Variants in ABHD4 observed in about 807,000 individuals in gnomAD.
ABHD4 encodes the protein (Lyso)-N-acylphosphatidylethanolamine lipase.
In ABHD4, 35 loss-of-function variants were observed where a neutral mutation model predicts 42.3. The observed-to-expected ratio is 0.83, with a 90% CI of 0.63 to 1.10. The LOEUF is 1.10. Among genes scored for constraint, ABHD4 ranks in the 50% least tolerant of loss-of-function variants. ABHD4 has a pLI of 0.00. For missense variants in ABHD4, 389 were observed against 454.8 expected, an observed-to-expected ratio of 0.86 and a Z score of 1.32; for synonymous variants, 169 against 170.6, an observed-to-expected ratio of 0.99 and a Z score of 0.07.
intron 6 of ABHD4, 70 bp from the exon 7 acceptor site, chr14:22,610,789 A>T: frequency 7.9e-7 from 1 of 1,270,506 alleles, no homozygotes; most frequent in Non-Finnish European, 1.1e-6. Context: ...AGGGGAAAAG[A>T]AATAGCGTGA....
At chr14:22,609,194 C>T (rs1234129837) in intron 5 of ABHD4, among the ~76,000 whole-genome samples, 2 of 152,000 alleles carry the variant, frequency 1.3e-5, no homozygotes, top group Non-Finnish European at 2.9e-5. Context: ...GACAGGGTCT[C>T]ACCATGTTGG....
At position 22,611,914 on chromosome 14, in the gene ABHD4, G is replaced by A. The variant is rs549109722; in HGVS notation, c.*966G>A. On this transcript the variant is annotated 3_prime_UTR_variant, in exon 7 of 7. Transcript: ENST00000428304. ...GCAAAGGTGGCTCCTGGTGAAGAGA[G>A]GGTGGAAAGGCCCTTCAGCCCCAGG... 1 of 152,762 alleles carries A rather than the reference G, an allele frequency of 6.5e-6. No individual in the cohort carries two copies. Among genetic ancestry groups the A allele is most frequent in the Non-Finnish European group, 1.5e-5 (1 of 68,206 alleles). 9.5% of individuals were successfully genotyped at this position (152,762 alleles called of 1,614,324 possible).
Position 22,603,992 on chromosome 14 carries a change from C to A in ABHD4, c.553C>A (p.Arg185Ser), listed in dbSNP as rs752463205. 3.8e-5 allele frequency: 62 copies of A among 1,614,070 alleles called. No homozygotes were observed. Among genetic ancestry groups the A allele is most frequent in the Non-Finnish European group, 5.2e-5 (61 of 1,180,046 alleles). The change falls in exon 4 of 7, where the codon CGT becomes AGT. Residue 185 changes from arginine to serine, a missense_variant. By Grantham distance (110) the Arg-to-Ser change is moderately radical. Transcript: ENST00000428304. ...PLRPTNPSEI[R>S]APPAWVKAVA... Reference sequence around the variant, plus strand: ...CCGACCAACTAACCCCAGTGAGATCCGTGCACCCCCAGCCTGGGTCAAAGC... The same window carrying A: ...CCGACCAACTAACCCCAGTGAGATCAGTGCACCCCCAGCCTGGGTCAAAGC...
intron 1 of ABHD4, among the ~76,000 whole-genome samples, chr14:22,600,826 A>AGG (rs1349707087): frequency 2.8e-3 from 377 of 133,262 alleles, no homozygotes; most frequent in Non-Finnish European, 3.9e-3. Context: ...CACGTCCAGC[A>AGG]GGGGGGTGTG....
Position 22,612,769 on chromosome 14 carries a change from CT to C in ABHD4, c.*1822del, listed in dbSNP as rs904459916. 4 of 152,252 alleles carry C rather than the reference CT, an allele frequency of 2.6e-5. No individual in the cohort carries two copies. Among genetic ancestry groups the C allele is most frequent in the African/African-American group, 9.7e-5 (4 of 41,446 alleles). 9.4% of individuals were successfully genotyped at this position (152,252 alleles called of 1,614,324 possible). ...ATTCCTTATGCAGAGATGCCTTCCC[CT>C]GATTCCCTAAACTAGACTCGGACCC... On this transcript the variant is annotated 3_prime_UTR_variant, in exon 7 of 7. Coordinates refer to ENST00000428304, the MANE Select transcript of ABHD4 (RefSeq NM_022060.3).
At chr14:22,599,906 A>G (rs2037262639) in intron 1 of ABHD4, among the ~76,000 whole-genome samples, 1 of 152,234 alleles carries the variant, frequency 6.6e-6, no homozygotes, top group African/African-American at 2.4e-5. Flanking sequence ...GGCTAAAACC[A>G]TTGATGTATC....
chr14:22,605,855 C>G (rs2037343296), intron 4 of ABHD4: 2 of 1,286,560 alleles, frequency 1.6e-6, no homozygotes, highest in Non-Finnish European at 2.0e-6. Context: ...TTTTTACAGT[C>G]TGTTGTTGCA....
rs116062902 is a variant in ABHD4 at position 22,608,409 on chromosome 14, A to G, written c.753-1315A>G. On this transcript the variant is annotated intron_variant, in intron 5 of 6. Coordinates refer to ENST00000428304, the MANE Select transcript of ABHD4 (RefSeq NM_022060.3). Reference sequence around the variant, plus strand: ...TGTGGACACCTCATGATACGGCCTCAATTCATTCTACCTGAGCAAATGACC... The same window carrying G: ...TGTGGACACCTCATGATACGGCCTCGATTCATTCTACCTGAGCAAATGACC... 4.0e-3 allele frequency among the ~76,000 whole-genome samples: 614 copies of G among 152,326 alleles called. 5 individuals are homozygous for G. The highest frequency in any genetic ancestry group is 0.014 in the African/African-American group (589 of 41,564).
rs1007659817 is a variant in ABHD4 at position 22,611,217 on chromosome 14, G to A, written c.*269G>A. 5.0e-5 allele frequency: 22 copies of A among 438,720 alleles called. No homozygotes were observed. The highest frequency in any genetic ancestry group is 4.1e-4 in the Admixed American group (12 of 29,190). 27.2% of individuals were successfully genotyped at this position (438,720 alleles called of 1,614,324 possible). The stretch of plus-strand genomic sequence containing the variant: ...GCCACCCATCCACTCCTTGCCAAGT[G>A]TTACCCAGATGGTGGAGGATGTGAA... On this transcript the variant is annotated 3_prime_UTR_variant, in exon 7 of 7. Transcript: ENST00000428304.
In ABHD4 at chr14:22,611,211, C is replaced by T. The variant is rs1030688584; in HGVS notation, c.*263C>T. The T allele has an allele frequency of 2.2e-6, 1 of 451,264 alleles. No homozygotes were observed. Among genetic ancestry groups the T allele is most frequent in the African/African-American group, 2.0e-5 (1 of 51,080 alleles). 28.0% of individuals were successfully genotyped at this position (451,264 alleles called of 1,614,324 possible). ...CACAATGCCACCCATCCACTCCTTG[C>T]CAAGTGTTACCCAGATGGTGGAGGA... On this transcript the variant is annotated 3_prime_UTR_variant, in exon 7 of 7. Coordinates refer to ENST00000428304, the MANE Select transcript of ABHD4 (RefSeq NM_022060.3).
rs774695063 is a variant in ABHD4, at chr14:22,610,836, C to T, written c.940-23C>T. The T allele has an allele frequency of 4.4e-6, 7 of 1,595,122 alleles. 1 individual carries two copies. In the South Asian group the frequency reaches 7.7e-5, roughly 18 times the overall value. Reference sequence around the variant, plus strand: ...CACCAGGAATAAAAGGCCATCCCACCCCTGCGGGTTCTCTCTCCACAGGAG... The same window carrying T: ...CACCAGGAATAAAAGGCCATCCCACTCCTGCGGGTTCTCTCTCCACAGGAG... On this transcript the variant is annotated intron_variant, in intron 6 of 6. Transcript: ENST00000428304.
Position 22,611,019 on chromosome 14 carries a change from C to A in ABHD4, c.*71C>A. On this transcript the variant is annotated 3_prime_UTR_variant, in exon 7 of 7. Coordinates refer to ENST00000428304, the MANE Select transcript of ABHD4 (RefSeq NM_022060.3). The stretch of plus-strand genomic sequence containing the variant: ...ACCTCCCTGTCTGCTTACTCACCCA[C>A]TCTGTCCTTTCCTCACCAACTAACA... 2.2e-6 allele frequency: 3 copies of A among 1,383,622 alleles called. No individual in the cohort carries two copies. Among genetic ancestry groups the A allele is most frequent in the Non-Finnish European group, 3.1e-6 (3 of 979,870 alleles). 85.7% of individuals were successfully genotyped at this position (1,383,622 alleles called of 1,614,324 possible). A position where few individuals can be genotyped will look rare whatever the true frequency, so the allele number is the denominator to read the frequency against.
intron 4 of ABHD4, 106 bp downstream of exon 4, chr14:22,604,185 T>C (rs1304024878): frequency 1.6e-6 from 2 of 1,289,986 alleles, no homozygotes; most frequent in African/African-American, 1.5e-5. Context: ...CTAGCCTTGT[T>C]ATTTAAAGCT....
At chr14:22,601,834 T>C (rs1396407682) in intron 2 of ABHD4, 79 bp downstream of exon 2, 5 of 1,254,400 alleles carry the variant, frequency 4.0e-6, no homozygotes, top group African/African-American at 3.0e-5. Context: ...GCCTGCTACA[T>C]TGAGCCCACT....
intron 5 of ABHD4, among the ~76,000 whole-genome samples, chr14:22,608,648 T>C (rs1419909833): frequency 1.3e-5 from 2 of 152,210 alleles, no homozygotes; most frequent in African/African-American, 4.8e-5. Flanking sequence ...TGTGTTTTCA[T>C]AGCACTCGAC....
At chr14:22,602,518 GCC>G (rs1460388253) in intron 2 of ABHD4, among the ~76,000 whole-genome samples, 2 of 152,142 alleles carry the variant, frequency 1.3e-5, no homozygotes, top group East Asian at 3.9e-4. Context: ...AACAAGCACT[GCC>G]CCACCTCAGT....
rs1485388404 is a variant in ABHD4 at position 22,612,779 on chromosome 14, A to G, written c.*1831A>G. 6.6e-6 allele frequency: 1 copy of G among 152,156 alleles called. No homozygotes were observed. Among genetic ancestry groups the G allele is most frequent in the African/African-American group, 2.4e-5 (1 of 41,420 alleles). The allele number at this position is 152,156 out of a possible 1,614,324, so 9.4% of individuals were successfully genotyped here. A position where few individuals can be genotyped will look rare whatever the true frequency, so the allele number is the denominator to read the frequency against. ...CAGAGATGCCTTCCCCTGATTCCCT[A>G]AACTAGACTCGGACCCCTCTGTTCT... On this transcript the variant is annotated 3_prime_UTR_variant, in exon 7 of 7. Coordinates refer to ENST00000428304, the MANE Select transcript of ABHD4 (RefSeq NM_022060.3).
At chr14:22,610,655 G>C (rs2037403833) in intron 6 of ABHD4, among the ~76,000 whole-genome samples, 1 of 152,222 alleles carries the variant, frequency 6.6e-6, no homozygotes, top group Non-Finnish European at 1.5e-5. Flanking sequence ...AAGACACAGT[G>C]AATGTTTATC....
chr14:22,601,869 G>T, intron 2 of ABHD4, 114 bp downstream of exon 2: 1 of 891,628 alleles, frequency 1.1e-6, no homozygotes, highest in East Asian at 2.6e-5. Context: ...AGTGTGTATG[G>T]GGTGGGAGGA....
Sources: gnomAD v4.1 joint callset for allele counts (sites outside exome capture counted in the v4.1 genomes callset) on GRCh38, gnomAD v4.1.1 for gene constraint, MANE v1.5 for transcripts, NCBI Gene and HGNC (gene_info 2026-07-23, HGNC 2026-07-21) for gene names.